SHC4: variants seen among roughly 807,000 people sequenced by gnomAD.
SHC4 encodes the protein SHC adaptor protein 4.
SHC4 carries 41 observed loss-of-function variants against 69.4 expected under a neutral mutation model. The observed-to-expected ratio is 0.59, with a 90% confidence interval of 0.46 to 0.77. The LOEUF (loss-of-function observed/expected upper bound fraction) is 0.77, where lower values mean the gene tolerates loss of function less well. Ranked by LOEUF, SHC4 falls within the 30% of genes least tolerant of loss-of-function variation. The pLI, the probability that SHC4 is intolerant of heterozygous loss-of-function variation, is 0.00. For synonymous variants in SHC4, 318 were observed against 299.3 expected, an observed-to-expected ratio of 1.06 and a Z score of -0.64; for missense variants, 777 against 783.8, an observed-to-expected ratio of 0.99 and a Z score of 0.10.
At chr15:48,961,259 C>T (rs1182805074) in intron 1 of SHC4, among the ~76,000 whole-genome samples, 1 of 152,192 alleles carries the variant, frequency 6.6e-6, no homozygotes, top group East Asian at 1.9e-4. Flanking sequence ...CCCTACAAAC[C>T]TAGGAGGATT....
At position 48,845,813 on chromosome 15, in the gene SHC4, GTTTA is replaced by G. The variant is rs753635755; in HGVS notation, c.1304-2229_1304-2226del. Among the ~76,000 whole-genome samples, 10 of 152,044 alleles carry G rather than the reference GTTTA, an allele frequency of 6.6e-5. No individual in the cohort carries two copies. In the East Asian group the frequency reaches 7.7e-4, roughly 12 times the overall value. On this transcript the variant is annotated intron_variant, in intron 9 of 11. Coordinates refer to ENST00000332408, the MANE Select transcript of SHC4 (RefSeq NM_203349.4). ...TAATTAGCAAGTCTTTGTAAAAAAT[GTTTA>G]TTTATCATCTACTCTAACTTTAAAT...
chr15:48,825,374 T>C lies in SHC4; in HGVS notation c.*597A>G, dbSNP rs1331041235. On this transcript the variant is annotated 3_prime_UTR_variant, in exon 12 of 12. Transcript: ENST00000332408. Reference sequence around the variant, plus strand: ...CCAATGAAACAGACAGCCATGTTAGTGGCTTTTGATTTGATTCCACTGACA... The same window carrying C: ...CCAATGAAACAGACAGCCATGTTAGCGGCTTTTGATTTGATTCCACTGACA... 3 of 152,266 alleles carry C rather than the reference T, an allele frequency of 2.0e-5. No individual in the cohort carries two copies. Among genetic ancestry groups the C allele is most frequent in the Non-Finnish European group, 4.4e-5 (3 of 68,082 alleles). The allele number at this position is 152,266 out of a possible 1,614,324, so 9.4% of individuals were successfully genotyped here.
chr15:48,882,003 T>C (rs1157201265), intron 4 of SHC4, among the ~76,000 whole-genome samples: 1 of 152,202 alleles, frequency 6.6e-6, no homozygotes. Flanking sequence ...TTTGAACCTT[T>C]GTTTTCAGTC....
In SHC4 at chr15:48,876,467, ACG is replaced by A. The variant is rs913298815; in HGVS notation, c.841-4327_841-4326del. The A allele has an allele frequency of 5.5e-5, 20 of 362,482 alleles. No homozygotes were observed. The East Asian group carries it at 6.6e-4, about 12-fold the overall frequency. The allele number at this position is 362,482 out of a possible 1,614,324, so 22.5% of individuals were successfully genotyped here. A position where few individuals can be genotyped will look rare whatever the true frequency, so the allele number is the denominator to read the frequency against. ...CATATATATATACACACACACACAC[ACG>A]TATATACACATACACACATACATAT... On this transcript the variant is annotated intron_variant, in intron 4 of 11. Transcript: ENST00000332408.
chr15:48,885,841 C>T lies in SHC4; in HGVS notation c.721-1474G>A, dbSNP rs546333507. Reference sequence around the variant, plus strand: ...GACTCTTGGTCTACTTTCTTTGCTTCTTACACAGCTCTGGGCAAAGCGAGC... The same window carrying T: ...GACTCTTGGTCTACTTTCTTTGCTTTTTACACAGCTCTGGGCAAAGCGAGC... On this transcript the variant is annotated intron_variant, in intron 3 of 11. Transcript: ENST00000332408. Among the ~76,000 whole-genome samples the T allele has an allele frequency of 1.5e-3, 224 of 152,302 alleles. 2 individuals are homozygous for T. Among genetic ancestry groups the T allele is most frequent in the Non-Finnish European group, 2.5e-3 (172 of 68,038 alleles).
chr15:48,929,957 G>A (rs1048071616), intron 1 of SHC4, among the ~76,000 whole-genome samples: 1 of 152,156 alleles, frequency 6.6e-6, no homozygotes. Flanking sequence ...AGGGAGAGGT[G>A]AACAGCCTAT....
At chr15:48,878,318 G>T (rs771290460) in intron 4 of SHC4, 5 of 1,613,610 alleles carry the variant, frequency 3.1e-6, no homozygotes, top group South Asian at 1.1e-5. Context: ...CTCCCGCAGC[G>T]GGGCCCAACA....
intron 1 of SHC4, among the ~76,000 whole-genome samples, chr15:48,926,938 C>T (rs780654724): frequency 6.6e-6 from 1 of 152,110 alleles, no homozygotes; most frequent in Non-Finnish European, 1.5e-5. Context: ...AGTACTGAAA[C>T]ATTTTGGATA....
At chr15:48,930,080 A>C (rs1900931328) in intron 1 of SHC4, among the ~76,000 whole-genome samples, 1 of 152,216 alleles carries the variant, frequency 6.6e-6, no homozygotes, top group Non-Finnish European at 1.5e-5. Flanking sequence ...CTCTTACAGA[A>C]TGATGACTAC....
At chr15:48,853,417 T>G (rs1313853656) in intron 8 of SHC4, among the ~76,000 whole-genome samples, 1 of 152,134 alleles carries the variant, frequency 6.6e-6, no homozygotes, top group Non-Finnish European at 1.5e-5. Flanking sequence ...CAAAGCAATC[T>G]ACAGATCCAG....
At chr15:48,891,981 A>T (rs761728409) in intron 2 of SHC4, among the ~76,000 whole-genome samples, 5 of 152,046 alleles carry the variant, frequency 3.3e-5, no homozygotes, top group Non-Finnish European at 7.4e-5. Flanking sequence ...CAGCCTCCCG[A>T]GTAGCTGGGA....
chr15:48,950,888 T>C (rs1427502720), intron 1 of SHC4, among the ~76,000 whole-genome samples: 1 of 152,024 alleles, frequency 6.6e-6, no homozygotes, highest in East Asian at 1.9e-4. Flanking sequence ...CTGCGGTTCT[T>C]TCTCAGTTCT....
intron 5 of SHC4, among the ~76,000 whole-genome samples, chr15:48,870,978 T>G (rs899506235): frequency 6.6e-6 from 1 of 152,216 alleles, no homozygotes; most frequent in Admixed American, 6.5e-5. Context: ...AAAACTACCA[T>G]GGTATCAGCT....
At chr15:48,951,622 G>T (rs556541047) in intron 1 of SHC4, among the ~76,000 whole-genome samples, 1 of 152,038 alleles carries the variant, frequency 6.6e-6, no homozygotes, top group African/African-American at 2.4e-5. Context: ...ATCACTTACT[G>T]CTCCCCAAAT....
chr15:48,845,895 G>C (rs116025827), intron 9 of SHC4, among the ~76,000 whole-genome samples: 6,627 of 152,080 alleles, frequency 0.044, 290 homozygotes, highest in East Asian at 0.22. Context: ...TAGCACATGT[G>C]TATACAACTT....
chr15:48,852,140 G>T (rs1413303390), intron 8 of SHC4, among the ~76,000 whole-genome samples: 1 of 152,220 alleles, frequency 6.6e-6, no homozygotes, highest in Admixed American at 6.5e-5. Flanking sequence ...GTAGTGCAAT[G>T]TGGCATTACA....
Position 48,963,354 on chromosome 15 carries a change from G to C in SHC4, c.-339C>G, listed in dbSNP as rs946380348. ...TAGGCGCAGAACCCGGGCGAGCGCC[G>C]GTCGGGGGGCCCGCTGCATCACTAG... is the stretch of plus-strand genomic sequence containing the variant. On this transcript the variant is annotated 5_prime_UTR_variant, in exon 1 of 12. Transcript: ENST00000332408. The C allele has an allele frequency of 3.6e-6, 1 of 280,970 alleles. No individual in the cohort carries two copies. The highest frequency in any genetic ancestry group is 6.7e-6 in the Non-Finnish European group (1 of 149,490). The allele number at this position is 280,970 out of a possible 1,614,324, so 17.4% of individuals were successfully genotyped here.
At position 48,843,376 on chromosome 15, in the gene SHC4, A is replaced by C. The variant is rs746560560; in HGVS notation, c.1483+33T>G. On this transcript the variant is annotated intron_variant, in intron 10 of 11. Transcript: ENST00000332408. ...GTGGTAATTTGTTAAAACAGCCCTA[A>C]GAAATGAATACAGACAGTGAGTAGC... The C allele has an allele frequency of 9.0e-6, 14 of 1,559,104 alleles. No homozygotes were observed. The Admixed American group carries it at 2.6e-4, about 29-fold the overall frequency.
At chr15:48,885,585 A>G (rs1567061373) in intron 3 of SHC4, among the ~76,000 whole-genome samples, 1 of 152,234 alleles carries the variant, frequency 6.6e-6, no homozygotes. Context: ...TCCTCAGCAT[A>G]TGAATCAATA....
Sources: gnomAD v4.1 joint callset for allele counts (sites outside exome capture counted in the v4.1 genomes callset) on GRCh38, gnomAD v4.1.1 for gene constraint, MANE v1.5 for transcripts, NCBI Gene and HGNC (gene_info 2026-07-23, HGNC 2026-07-21) for gene names.